Variants in RBFOX1 observed in about 807,000 individuals in gnomAD.
RBFOX1 encodes RNA binding protein fox-1 homolog 1.
In RBFOX1, 8 loss-of-function variants were observed where a neutral mutation model predicts 57.7. That is an observed-to-expected ratio of 0.14 (90% CI 0.08 to 0.25). RBFOX1 has a LOEUF of 0.25. RBFOX1 is among the 10% of genes least tolerant of loss of function. RBFOX1 has a pLI of 1.00. For synonymous variants in RBFOX1, 326 were observed against 222.4 expected (o/e 1.47, Z -4.15); for missense variants, 611 against 548.5 (o/e 1.11, Z -1.14).
At chr16:7,441,086 C>G (rs1222787830) in intron 4 of RBFOX1, among the ~76,000 whole-genome samples, 1 of 152,010 alleles carries the variant, frequency 6.6e-6, no homozygotes, top group Non-Finnish European at 1.5e-5. Context: ...CCTAAGATAT[C>G]CTCTTTAAAG....
At chr16:5,724,183 C>T (rs2052044740) in intron 3 of RBFOX1, among the ~76,000 whole-genome samples, 1 of 152,082 alleles carries the variant, frequency 6.6e-6, no homozygotes, top group African/African-American at 2.4e-5. Flanking sequence ...TCCTGAGTGG[C>T]AAGATATTCT....
chr16:6,711,526 A>G (rs1391800287), intron 3 of RBFOX1, among the ~76,000 whole-genome samples: 1 of 152,296 alleles, frequency 6.6e-6, no homozygotes, highest in Admixed American at 6.5e-5. Context: ...TTCTCACAAC[A>G]TATGATGGTT....
intron 15 of RBFOX1, chr16:7,709,643 G>C (rs1250316832): frequency 2.6e-6 from 4 of 1,529,764 alleles, no homozygotes; most frequent in South Asian, 1.2e-5. Context: ...AGAAAATAGA[G>C]AGGGGCACAC....
chr16:7,082,056 G>C (rs185623792), intron 4 of RBFOX1, among the ~76,000 whole-genome samples: 1 of 152,308 alleles, frequency 6.6e-6, no homozygotes, highest in Admixed American at 6.5e-5. Context: ...CTGGTTCATA[G>C]TGATGGTCGG....
At chr16:5,863,747 T>A (rs2057281385) in intron 3 of RBFOX1, among the ~76,000 whole-genome samples, 1 of 152,194 alleles carries the variant, frequency 6.6e-6, no homozygotes, top group African/African-American at 2.4e-5. Context: ...TTACCTTTAG[T>A]TGGCCACAAG....
chr16:5,959,143 A>C (rs559664022), intron 4 of RBFOX1, among the ~76,000 whole-genome samples: 11 of 152,354 alleles, frequency 7.2e-5, no homozygotes, highest in Admixed American at 6.5e-4. Context: ...GGTCAAGGAC[A>C]GACTGCCCAT....
intron 4 of RBFOX1, among the ~76,000 whole-genome samples, chr16:7,507,561 C>CT (rs200393762): frequency 0.083 from 10,195 of 122,308 alleles, 907 homozygotes; most frequent in East Asian, 0.14. Context: ...TTTTTTCTTT[C>CT]TTTCTTTTTT....
At chr16:7,055,832 C>A (rs34539602) in intron 4 of RBFOX1, among the ~76,000 whole-genome samples, 2,849 of 152,042 alleles carry the variant, frequency 0.019, 41 homozygotes, top group Non-Finnish European at 0.029. Flanking sequence ...GGGGTCCACT[C>A]TGTTTGTCAG....
chr16:7,031,832 G>C (rs545555616), intron 3 of RBFOX1, among the ~76,000 whole-genome samples: 1 of 152,116 alleles, frequency 6.6e-6, no homozygotes, highest in African/African-American at 2.4e-5. Context: ...AAGCCAACGT[G>C]GTCCTTGCTG....
At chr16:5,625,049 A>G (rs1320664989) in intron 3 of RBFOX1, among the ~76,000 whole-genome samples, 1 of 152,156 alleles carries the variant, frequency 6.6e-6, no homozygotes, top group African/African-American at 2.4e-5. Context: ...GCGGCTCTGG[A>G]TTCTATTTAA....
At chr16:7,652,301 G>A (rs2065233599) in intron 11 of RBFOX1, among the ~76,000 whole-genome samples, 1 of 152,206 alleles carries the variant, frequency 6.6e-6, no homozygotes, top group Non-Finnish European at 1.5e-5. Flanking sequence ...AACAGCAGTA[G>A]TTATCAGGGG....
rs922822023 is a variant in RBFOX1, at chr16:7,282,528, C to G, written c.27+230430C>G. Among the ~76,000 whole-genome samples the G allele has an allele frequency of 2.0e-5, 3 of 152,022 alleles. No homozygotes were observed. The South Asian group carries it at 6.2e-4, about 32-fold the overall frequency. Reference sequence around the variant, plus strand: ...TTGCTCTTGCACCCTCTCCCTGGAGCCTTCTGCTCTCTGTTCTCTGGTTGA... The same window carrying G: ...TTGCTCTTGCACCCTCTCCCTGGAGGCTTCTGCTCTCTGTTCTCTGGTTGA... On this transcript the variant is annotated intron_variant, in intron 4 of 15. Transcript: ENST00000550418.
intron 4 of RBFOX1, among the ~76,000 whole-genome samples, chr16:7,091,716 G>T (rs1047761584): frequency 6.6e-6 from 1 of 152,098 alleles, no homozygotes; most frequent in African/African-American, 2.4e-5. Context: ...CCCATCCTCA[G>T]TACTGGGGGA....
chr16:6,694,385 A>C (rs1416251014), intron 3 of RBFOX1, among the ~76,000 whole-genome samples: 1 of 152,212 alleles, frequency 6.6e-6, no homozygotes, highest in Admixed American at 6.5e-5. Flanking sequence ...TTCTCATCCA[A>C]ATTCCACTAT....
chr16:6,797,056 G>A (rs1440479427), intron 3 of RBFOX1, among the ~76,000 whole-genome samples: 1 of 152,132 alleles, frequency 6.6e-6, no homozygotes, highest in African/African-American at 2.4e-5. Flanking sequence ...CACTCTCTGG[G>A]TTGCTCTAGT....
chr16:6,894,552 C>T (rs1280573396), intron 3 of RBFOX1, among the ~76,000 whole-genome samples: 2 of 152,048 alleles, frequency 1.3e-5, no homozygotes, highest in Admixed American at 1.3e-4. Context: ...AAGTGTACCC[C>T]CAAAACAAGA....
intron 3 of RBFOX1, among the ~76,000 whole-genome samples, chr16:6,999,741 AAAG>A (rs1235230252): frequency 2.0e-5 from 3 of 152,064 alleles, no homozygotes; most frequent in African/African-American, 7.2e-5. Flanking sequence ...CTTTTTAAAA[AAAG>A]AACTGTATTG....
intron 14 of RBFOX1, among the ~76,000 whole-genome samples, chr16:7,683,518 G>C (rs1161605115): frequency 6.6e-6 from 1 of 152,046 alleles, no homozygotes; most frequent in Non-Finnish European, 1.5e-5. Flanking sequence ...GACCACCAAG[G>C]AGTTGGGGAG....
intron 3 of RBFOX1, among the ~76,000 whole-genome samples, chr16:6,726,353 G>A (rs147068562): frequency 6.6e-6 from 1 of 150,482 alleles, no homozygotes; most frequent in Non-Finnish European, 1.5e-5. Flanking sequence ...GCAAATTTTT[G>A]CATTTGTAAA....
Sources: allele counts gnomAD v4.1 joint callset (sites outside exome capture counted in the v4.1 genomes callset), GRCh38; gene constraint gnomAD v4.1.1; transcripts MANE v1.5; gene names NCBI Gene and HGNC (gene_info 2026-07-23, HGNC 2026-07-21).